The following WWTR1 variants were observed in gnomAD, a reference collection of about 807,000 sequenced individuals.
The protein encoded by WWTR1 is WW domain containing transcription regulator 1.
In WWTR1, 13 loss-of-function variants were observed where a neutral mutation model predicts 40.1. The observed-to-expected ratio is 0.32, with a 90% CI of 0.21 to 0.52. The LOEUF (loss-of-function observed/expected upper bound fraction) is 0.52. Among genes scored for constraint, WWTR1 ranks in the 20% least tolerant of loss-of-function variants. WWTR1 has a pLI of 0.97. For synonymous variants in WWTR1, 230 were observed against 210.1 expected, an observed-to-expected ratio of 1.09 and a Z score of -0.82; for missense variants, 436 against 523.1, an observed-to-expected ratio of 0.83 and a Z score of 1.63.
chr3:149,651,478 G>A (rs1446136028), intron 2 of WWTR1, among the ~76,000 whole-genome samples: 1 of 152,152 alleles, frequency 6.6e-6, no homozygotes, highest in Non-Finnish European at 1.5e-5. Flanking sequence ...CTTAGACAAA[G>A]AAGACTCGAT....
At chr3:149,596,579 T>C (rs72997946) in intron 2 of WWTR1, among the ~76,000 whole-genome samples, 7,786 of 152,140 alleles carry the variant, frequency 0.051, 534 homozygotes, top group African/African-American at 0.16. Context: ...GTGGATCTTC[T>C]AGTGGACCCG....
chr3:149,548,102 GTGC>G (rs1290302924), intron 3 of WWTR1, among the ~76,000 whole-genome samples: 2 of 152,094 alleles, frequency 1.3e-5, no homozygotes, highest in Non-Finnish European at 2.9e-5. Flanking sequence ...CCTCTGGTTA[GTGC>G]TGCCTGGGGC....
chr3:149,554,482 T>C (rs1053035410), intron 3 of WWTR1, among the ~76,000 whole-genome samples: 3 of 152,210 alleles, frequency 2.0e-5, no homozygotes, highest in African/African-American at 7.2e-5. Context: ...CACACCAGTG[T>C]GCAAGTATCT....
intron 1 of WWTR1, among the ~76,000 whole-genome samples, chr3:149,674,400 A>G (rs1173575213): frequency 2.0e-5 from 3 of 152,042 alleles, no homozygotes; most frequent in African/African-American, 7.3e-5. Context: ...CAGCCTGGCC[A>G]ATATGGTGAA....
At chr3:149,643,474 C>A (rs1409589867) in intron 2 of WWTR1, among the ~76,000 whole-genome samples, 1 of 152,102 alleles carries the variant, frequency 6.6e-6, no homozygotes, top group Non-Finnish European at 1.5e-5. Context: ...CATGTTTTTA[C>A]CCGAGTCTTA....
In WWTR1 at chr3:149,580,638, A is replaced by C. The variant is rs184429896; in HGVS notation, c.432-7638T>G. Among the ~76,000 whole-genome samples the C allele has an allele frequency of 8.5e-5, 13 of 152,254 alleles. 1 individual carries two copies. Among genetic ancestry groups the C allele is most frequent in the Admixed American group, 8.5e-4 (13 of 15,296 alleles). On this transcript the variant is annotated intron_variant, in intron 2 of 6. Coordinates refer to ENST00000360632, the MANE Select transcript of WWTR1 (RefSeq NM_015472.6). ...GTTTGTTTGTTTGTTTTTGAGACGG[A>C]GTTTCGCTCTTGTCACCCAGGCTGG...
intron 4 of WWTR1, among the ~76,000 whole-genome samples, chr3:149,533,820 G>A (rs892806488): frequency 4.6e-5 from 6 of 131,786 alleles, no homozygotes; most frequent in Admixed American, 2.2e-4. Context: ...ATTAGAAAGC[G>A]TACTTATAAT....
At position 149,551,227 on chromosome 3, in the gene WWTR1, G is replaced by T. The variant is rs144684747; in HGVS notation, c.569-8690C>A. Among the ~76,000 whole-genome samples the T allele has an allele frequency of 6.2e-5, 9 of 144,504 alleles. 1 individual carries two copies. In the East Asian group the frequency reaches 1.4e-3, roughly 23 times the overall value. The allele number at this position is 144,504 out of a possible 152,430, so 94.8% of individuals were successfully genotyped here. A position where few individuals can be genotyped will look rare whatever the true frequency, so the allele number is the denominator to read the frequency against. ...CAGGAGAATCGTTTGAACCCAGGAGGCAGGAGGTTGCGGTGAGCCAAGACC... is the reference window on the plus strand; with the variant it reads ...CAGGAGAATCGTTTGAACCCAGGAGTCAGGAGGTTGCGGTGAGCCAAGACC... On this transcript the variant is annotated intron_variant, in intron 3 of 6. Coordinates refer to ENST00000360632, the MANE Select transcript of WWTR1 (RefSeq NM_015472.6).
chr3:149,538,218 T>C (rs912614592), intron 4 of WWTR1, among the ~76,000 whole-genome samples: 35 of 152,240 alleles, frequency 2.3e-4, no homozygotes, highest in African/African-American at 7.7e-4. Flanking sequence ...CCACGCTTAG[T>C]CAAAAATTAA....
intron 3 of WWTR1, among the ~76,000 whole-genome samples, chr3:149,545,631 C>T (rs1425162277): frequency 6.6e-6 from 1 of 152,144 alleles, no homozygotes; most frequent in Non-Finnish European, 1.5e-5. Context: ...AAGAGATTCT[C>T]CTGTCTTAGC....
chr3:149,556,303 G>A (rs2005066), intron 3 of WWTR1, among the ~76,000 whole-genome samples: 21,915 of 152,176 alleles, frequency 0.14, 1,877 homozygotes, highest in South Asian at 0.31. Context: ...GAAGCAGGCC[G>A]GGTGCAGGGG....
At chr3:149,557,061 C>CTTTTTTTTT (rs3044118) in intron 3 of WWTR1, among the ~76,000 whole-genome samples, 1,289 of 64,376 alleles carry the variant, frequency 0.02, 264 homozygotes, top group East Asian at 0.042. Flanking sequence ...CTGGAATCTT[C>CTTTTTTTTT]TTTTTTTTTT....
At chr3:149,694,396 ACT>A (rs1714916402) in intron 1 of WWTR1, among the ~76,000 whole-genome samples, 1 of 152,300 alleles carries the variant, frequency 6.6e-6, no homozygotes, top group Admixed American at 6.5e-5. Context: ...CAAGAGCAAG[ACT>A]CTGTCTCAAA....
At chr3:149,702,140 T>C (rs1449799686) in intron 1 of WWTR1, 1 of 157,690 alleles carries the variant, frequency 6.3e-6, no homozygotes, top group Non-Finnish European at 1.4e-5. Context: ...GTCATCTGTG[T>C]ACCTGTGATG....
intron 2 of WWTR1, among the ~76,000 whole-genome samples, chr3:149,603,448 T>C (rs1278398786): frequency 1.3e-5 from 2 of 152,066 alleles, no homozygotes; most frequent in African/African-American, 2.4e-5. Flanking sequence ...GGGAATTACA[T>C]AGTCACATAA....
intron 3 of WWTR1, among the ~76,000 whole-genome samples, chr3:149,565,543 C>T (rs1407968933): frequency 1.3e-5 from 2 of 152,070 alleles, no homozygotes; most frequent in African/African-American, 4.8e-5. Flanking sequence ...ATAAAAGGAA[C>T]TCAATCCGTT....
intron 2 of WWTR1, among the ~76,000 whole-genome samples, chr3:149,655,968 T>C (rs1385230981): frequency 6.6e-6 from 1 of 152,158 alleles, no homozygotes; most frequent in Non-Finnish European, 1.5e-5. Context: ...CTGAAACAAG[T>C]GGTTAGGCTG....
At chr3:149,608,461 C>G (rs1739584091) in intron 2 of WWTR1, among the ~76,000 whole-genome samples, 1 of 151,898 alleles carries the variant, frequency 6.6e-6, no homozygotes, top group Non-Finnish European at 1.5e-5. Context: ...TCTTGGCTCA[C>G]TGCAACCTCC....
At chr3:149,720,825 A>AT (rs937183489) in intron 4 of WWTR1, among the ~76,000 whole-genome samples, 17 of 152,198 alleles carry the variant, frequency 1.1e-4, no homozygotes, top group Middle Eastern at 3.4e-3. Context: ...CAGTACATAG[A>AT]TTTTTTACAT....
Sources: allele counts gnomAD v4.1 joint callset (sites outside exome capture counted in the v4.1 genomes callset), GRCh38; gene constraint gnomAD v4.1.1; transcripts MANE v1.5; gene names NCBI Gene and HGNC (gene_info 2026-07-23, HGNC 2026-07-21).